XKR9: variants seen among roughly 807,000 people sequenced by gnomAD.
The protein encoded by XKR9 is XK related 9, also known as XK-related protein 9.
Under a neutral mutation model 32.0 loss-of-function variants are expected in XKR9, and 32 were observed. That is an observed-to-expected ratio of 1.00 (90% confidence interval 0.76 to 1.34). The LOEUF (loss-of-function observed/expected upper bound fraction) is 1.34. XKR9 is among the 40% of genes most tolerant of loss of function. XKR9 has a pLI of 0.00. For missense variants in XKR9, 546 were observed against 429.7 expected (o/e 1.27, Z -2.39); for synonymous variants, 168 against 143.4 (o/e 1.17, Z -1.22).
At chr8:70,980,303 T>A in the XKR9 span, among the ~76,000 whole-genome samples, 1 of 152,178 alleles carries the variant, frequency 6.6e-6, no homozygotes, top group Non-Finnish European at 1.5e-5. Flanking sequence ...ATGAACCAGA[T>A]ACCTCAGTTG....
At chr8:70,997,924 G>A in the XKR9 span, among the ~76,000 whole-genome samples, 10 of 152,096 alleles carry the variant, frequency 6.6e-5, no homozygotes, top group African/African-American at 9.7e-5. Context: ...GAGGAATTTA[G>A]GAAATATATT....
At chr8:71,019,674 A>G in the XKR9 span, among the ~76,000 whole-genome samples, 1 of 152,344 alleles carries the variant, frequency 6.6e-6, no homozygotes, top group East Asian at 1.9e-4. Context: ...GATGAAGTTT[A>G]AAATGTCTTA....
At chr8:70,861,104 G>C in the XKR9 span, among the ~76,000 whole-genome samples, 1 of 152,072 alleles carries the variant, frequency 6.6e-6, no homozygotes, top group East Asian at 1.9e-4. Flanking sequence ...TTGTCTGTTA[G>C]TAGTGTCTGT....
downstream of XKR9, among the ~76,000 whole-genome samples, chr8:70,792,222 G>A (rs892941016): frequency 6.6e-6 from 1 of 151,966 alleles, no homozygotes; most frequent in East Asian, 1.9e-4. Context: ...CTTTTTCTGG[G>A]CATTATGGGG....
chr8:70,751,270 C>A (rs548777152), intron 2 of XKR9, among the ~76,000 whole-genome samples: 1 of 152,280 alleles, frequency 6.6e-6, no homozygotes, highest in East Asian at 1.9e-4. Flanking sequence ...GCTGGGATTA[C>A]AGGCACCTGC....
At chr8:70,760,139 C>T (rs1807288386) in intron 2 of XKR9, among the ~76,000 whole-genome samples, 1 of 152,198 alleles carries the variant, frequency 6.6e-6, no homozygotes, top group Admixed American at 6.5e-5. Context: ...CAACAGTCAT[C>T]ATTCTGTAGC....
At chr8:70,975,836 A>G in the XKR9 span, among the ~76,000 whole-genome samples, 1 of 152,084 alleles carries the variant, frequency 6.6e-6, no homozygotes, top group Admixed American at 6.5e-5. Flanking sequence ...CTTGGGCAGT[A>G]TGGCCATTTT....
At chr8:71,035,310 T>C in the XKR9 span, among the ~76,000 whole-genome samples, 2 of 152,296 alleles carry the variant, frequency 1.3e-5, no homozygotes, top group African/African-American at 4.8e-5. Flanking sequence ...TAACTTTAAA[T>C]AGGAGGTTTT....
chr8:70,943,393 A>C, the XKR9 span, among the ~76,000 whole-genome samples: 3 of 152,158 alleles, frequency 2.0e-5, no homozygotes, highest in Non-Finnish European at 4.4e-5. Flanking sequence ...AAGTAAGAGG[A>C]ATAAAGTAGG....
At chr8:70,925,391 G>A in the XKR9 span, among the ~76,000 whole-genome samples, 3 of 152,276 alleles carry the variant, frequency 2.0e-5, no homozygotes, top group Admixed American at 6.5e-5. Flanking sequence ...CAGGCTAGGA[G>A]GGATCAGTTT....
chr8:70,689,134 T>C (rs1274202597), intron 3 of XKR9, among the ~76,000 whole-genome samples: 1 of 152,170 alleles, frequency 6.6e-6, no homozygotes, highest in Non-Finnish European at 1.5e-5. Flanking sequence ...TCCTCTGATA[T>C]TTAAGCAGCT....
intron 2 of XKR9, among the ~76,000 whole-genome samples, chr8:70,752,866 C>T (rs1039142442): frequency 7.2e-5 from 11 of 152,012 alleles, no homozygotes; most frequent in African/African-American, 2.7e-4. Context: ...ACTAGAAAAG[C>T]AAGAGCAAAC....
At chr8:71,021,462 A>G in the XKR9 span, among the ~76,000 whole-genome samples, 1 of 127,422 alleles carries the variant, frequency 7.8e-6, no homozygotes, top group Non-Finnish European at 1.7e-5. Context: ...ATTTTTTCCC[A>G]TTTTGTAGGT....
At chr8:70,975,433 G>A in the XKR9 span, among the ~76,000 whole-genome samples, 2 of 152,148 alleles carry the variant, frequency 1.3e-5, no homozygotes, top group African/African-American at 2.4e-5. Context: ...GTGTAAGGAA[G>A]GTATCCAGTT....
chr8:70,765,076 A>G (rs1159915463), intron 2 of XKR9, among the ~76,000 whole-genome samples: 2 of 152,222 alleles, frequency 1.3e-5, no homozygotes, highest in Non-Finnish European at 2.9e-5. Flanking sequence ...ACTTTATAGT[A>G]GAATGATTTA....
intron 2 of XKR9, among the ~76,000 whole-genome samples, chr8:70,749,992 G>A (rs1268043169): frequency 6.6e-6 from 1 of 152,060 alleles, no homozygotes; most frequent in Admixed American, 6.6e-5. Context: ...TCTGGGATTT[G>A]GAAGTATGTA....
the XKR9 span, among the ~76,000 whole-genome samples, chr8:70,992,280 G>A: frequency 6.6e-6 from 1 of 152,048 alleles, no homozygotes; most frequent in Non-Finnish European, 1.5e-5. Flanking sequence ...AAAACATACT[G>A]AGAAAATCTC....
chr8:70,825,579 C>T, the XKR9 span, among the ~76,000 whole-genome samples: 2 of 152,054 alleles, frequency 1.3e-5, no homozygotes, highest in African/African-American at 2.4e-5. Flanking sequence ...GAATGATTGC[C>T]TTACTTCTCT....
At chr8:70,762,404 G>T (rs530651368) in intron 2 of XKR9, among the ~76,000 whole-genome samples, 2 of 152,260 alleles carry the variant, frequency 1.3e-5, no homozygotes, top group East Asian at 3.9e-4. Context: ...TGAGCAGAGG[G>T]CAAGTGAGCA....
Sources: gnomAD v4.1 joint callset for allele counts (sites outside exome capture counted in the v4.1 genomes callset) on GRCh38, gnomAD v4.1.1 for gene constraint, MANE v1.5 for transcripts, NCBI Gene and HGNC (gene_info 2026-07-23, HGNC 2026-07-21) for gene names.